TRHDE: variants seen among roughly 807,000 people sequenced by gnomAD.
TRHDE encodes thyrotropin releasing hormone degrading enzyme.
TRHDE carries 72 observed loss-of-function variants against 125.7 expected under a neutral mutation model. The ratio of observed to expected loss-of-function variants is 0.57; its 90% CI spans 0.47 to 0.70. The LOEUF (loss-of-function observed/expected upper bound fraction) is 0.70, where lower values mean the gene tolerates loss of function less well. Among genes scored for constraint, TRHDE ranks in the 30% least tolerant of loss-of-function variants. The probability of loss-of-function intolerance (pLI) is 0.00; values close to 1 mark genes in which losing one functional copy is unlikely to be tolerated. For synonymous variants in TRHDE, 509 were observed against 509.1 expected (o/e 1.00, Z 0.00); for missense variants, 1,110 against 1,327.1 (o/e 0.84, Z 2.54).
At chr12:72,508,291 G>T (rs1265308069) in intron 6 of TRHDE, among the ~76,000 whole-genome samples, 1 of 152,162 alleles carries the variant, frequency 6.6e-6, no homozygotes, top group African/African-American at 2.4e-5. Context: ...TACCTAGAAA[G>T]CCACAAACAC....
Position 72,272,842 on chromosome 12 carries a change from T to G in TRHDE, c.199T>G (p.Ser67Ala). The G allele has an allele frequency of 2.5e-6, 4 of 1,583,294 alleles. No homozygotes were observed. The highest frequency in any genetic ancestry group is 3.4e-6 in the Non-Finnish European group (4 of 1,172,366). ...GGGGCTCTCCGACCCGTGGGCAGAC[T>G]CAGTGGGAGTGCGACCCCGCACCAC... ...SRGLSDPWADSVGVRPRTTER... is the reference protein window; with the variant it reads ...SRGLSDPWADAVGVRPRTTER... Residue 67 changes from serine (S) to alanine (A), a missense_variant, in exon 1 of 19, where the codon TCA (serine) becomes GCA (alanine). Coordinates refer to ENST00000261180, the MANE Select transcript of TRHDE (RefSeq NM_013381.3). This position sits in a 1 kb window ranked among gnomAD's most constrained non-coding sequence, Gnocchi z 6.7.
intron 7 of TRHDE, among the ~76,000 whole-genome samples, chr12:72,553,542 A>G (rs1212469820): frequency 6.6e-6 from 1 of 152,052 alleles, no homozygotes; most frequent in Non-Finnish European, 1.5e-5. Flanking sequence ...CCATTCCATG[A>G]ACTGCCCATC....
At chr12:72,503,680 C>T (rs1047182157) in intron 6 of TRHDE, among the ~76,000 whole-genome samples, 7 of 152,148 alleles carry the variant, frequency 4.6e-5, no homozygotes, top group Non-Finnish European at 1.0e-4. Context: ...TACCTTTCTT[C>T]AGTTTATTGA....
chr12:72,145,133 C>T (rs1876199361), intron 2 of TRHDE, among the ~76,000 whole-genome samples: 1 of 152,172 alleles, frequency 6.6e-6, no homozygotes, highest in African/African-American at 2.4e-5. Flanking sequence ...CTCAGCTGCA[C>T]CTGCCCCAAG....
intron 2 of TRHDE, among the ~76,000 whole-genome samples, chr12:72,246,070 A>C: frequency 6.6e-6 from 1 of 152,168 alleles, no homozygotes; most frequent in Non-Finnish European, 1.5e-5. Context: ...ATTCTTGTGA[A>C]TATATCTTTG....
At chr12:72,506,149 A>AT (rs946366688) in intron 6 of TRHDE, among the ~76,000 whole-genome samples, 53 of 151,456 alleles carry the variant, frequency 3.5e-4, no homozygotes, top group African/African-American at 7.0e-4. Flanking sequence ...ACATTCAAAC[A>AT]TTTTTTTTTA....
At chr12:72,504,873 A>G (rs1011791174) in intron 6 of TRHDE, among the ~76,000 whole-genome samples, 1 of 152,220 alleles carries the variant, frequency 6.6e-6, no homozygotes, top group Non-Finnish European at 1.5e-5. Context: ...ACTAGTCAAC[A>G]TTAACCTCTG....
chr12:72,586,354 G>C (rs1362717585), intron 12 of TRHDE, among the ~76,000 whole-genome samples: 1 of 152,130 alleles, frequency 6.6e-6, no homozygotes, highest in Non-Finnish European at 1.5e-5. Context: ...GCCTTAGGAG[G>C]AGATTTGAAA....
chr12:72,568,176 A>G (rs545095420), intron 9 of TRHDE, among the ~76,000 whole-genome samples: 103 of 152,280 alleles, frequency 6.8e-4, no homozygotes, highest in African/African-American at 2.1e-3. Flanking sequence ...ATGTAAATGC[A>G]TGAAGCCACT....
At chr12:72,617,060 A>G (rs1872847752) in intron 12 of TRHDE, among the ~76,000 whole-genome samples, 1 of 152,168 alleles carries the variant, frequency 6.6e-6, no homozygotes. Flanking sequence ...ACTAGCTAAA[A>G]TACAGTGGCT....
chr12:72,108,445 T>A (rs925495339), intron 2 of TRHDE, among the ~76,000 whole-genome samples: 3 of 152,100 alleles, frequency 2.0e-5, no homozygotes, highest in African/African-American at 7.2e-5. Flanking sequence ...AGAACACTGA[T>A]ACATATATTT....
rs1274103480 is a variant in TRHDE, at chr12:72,669,757, G to T, written c.*6562G>T. 1.3e-5 allele frequency: 2 copies of T among 151,746 alleles called. No homozygotes were observed. The highest frequency in any genetic ancestry group is 2.9e-5 in the Non-Finnish European group (2 of 67,812). The allele number at this position is 151,746 out of a possible 1,614,324, so 9.4% of individuals were successfully genotyped here. On this transcript the variant is annotated 3_prime_UTR_variant, in exon 19 of 19. Coordinates refer to ENST00000261180, the MANE Select transcript of TRHDE (RefSeq NM_013381.3). ...TTTTTGAGTGAATTTTTCCTCAAAT[G>T]TTGTATTCTACCTTTCAAAATATTG...
At chr12:72,556,624 T>G (rs567859266) in intron 7 of TRHDE, among the ~76,000 whole-genome samples, 8 of 152,178 alleles carry the variant, frequency 5.3e-5, no homozygotes, top group Non-Finnish European at 1.0e-4. Flanking sequence ...TAGTATTTTG[T>G]CCCTTCCATT....
intron 12 of TRHDE, among the ~76,000 whole-genome samples, chr12:72,580,176 T>A (rs1565797978): frequency 6.6e-6 from 1 of 152,170 alleles, no homozygotes; most frequent in South Asian, 2.1e-4. Flanking sequence ...AGCGATAATG[T>A]TATTTGTCTT....
chr12:72,467,171 G>A (rs1381734420), intron 3 of TRHDE, among the ~76,000 whole-genome samples: 1 of 152,128 alleles, frequency 6.6e-6, no homozygotes, highest in Non-Finnish European at 1.5e-5. Context: ...CCATGTTGGT[G>A]TGCTGCACAC....
At chr12:72,464,558 A>G (rs1876278614) in intron 3 of TRHDE, among the ~76,000 whole-genome samples, 1 of 152,192 alleles carries the variant, frequency 6.6e-6, no homozygotes, top group Admixed American at 6.5e-5. Flanking sequence ...ACAAAACAAC[A>G]CAGAAGCCAC....
At chr12:72,091,687 T>C (rs1186306021) in intron 1 of TRHDE, among the ~76,000 whole-genome samples, 1 of 152,168 alleles carries the variant, frequency 6.6e-6, no homozygotes, top group Non-Finnish European at 1.5e-5. Flanking sequence ...AACAGCAAAC[T>C]GTTCTCGTAA....
intron 3 of TRHDE, among the ~76,000 whole-genome samples, chr12:72,446,866 C>A (rs1405041064): frequency 1.3e-5 from 2 of 152,114 alleles, no homozygotes; most frequent in African/African-American, 4.8e-5. Flanking sequence ...ATTCATAAAG[C>A]AAGTCCTTAG....
chr12:72,134,609 A>G (rs751348604), intron 2 of TRHDE, among the ~76,000 whole-genome samples: 4 of 152,100 alleles, frequency 2.6e-5, no homozygotes, highest in East Asian at 1.9e-4. Context: ...TTCAAATTGT[A>G]TAAGCTGTAG....
Sources: gnomAD v4.1 joint callset for allele counts (sites outside exome capture counted in the v4.1 genomes callset) on GRCh38, gnomAD v4.1.1 for gene constraint, Gnocchi (gnomAD v3.1) non-coding constraint, MANE v1.5 for transcripts, NCBI Gene and HGNC (gene_info 2026-07-23, HGNC 2026-07-21) for gene names.